Variants in GRID1 observed in about 807,000 individuals in gnomAD.
GRID1 encodes glutamate receptor ionotropic, delta-1.
GRID1 carries 28 observed loss-of-function variants against 98.0 expected under a neutral mutation model. That is an observed-to-expected ratio of 0.29 (90% confidence interval 0.21 to 0.39). The LOEUF is 0.39. Ranked by LOEUF, GRID1 falls within the 10% of genes least tolerant of loss-of-function variation. The pLI is 1.00. For missense variants in GRID1, 1,111 were observed against 1,340.5 expected (o/e 0.83, Z 2.67); for synonymous variants, 553 against 538.5 (o/e 1.03, Z -0.37).
At chr10:85,702,630 G>C (rs140191716) in intron 12 of GRID1, among the ~76,000 whole-genome samples, 89 of 152,158 alleles carry the variant, frequency 5.8e-4, no homozygotes, top group African/African-American at 2.1e-3. Flanking sequence ...AAGTTTTTAA[G>C]TTGAAAGACA....
At chr10:85,715,959 T>G (rs1841634563) in intron 12 of GRID1, among the ~76,000 whole-genome samples, 1 of 151,720 alleles carries the variant, frequency 6.6e-6, no homozygotes, top group African/African-American at 2.4e-5. Flanking sequence ...CAGGCTGGAG[T>G]GCAGTGGCAT....
intron 4 of GRID1, among the ~76,000 whole-genome samples, chr10:85,964,557 A>C (rs1262901303): frequency 6.6e-6 from 1 of 152,232 alleles, no homozygotes; most frequent in Non-Finnish European, 1.5e-5. Flanking sequence ...TCACTATTTA[A>C]TAAATGGTGT....
At chr10:86,047,476 A>T (rs1413229831) in intron 4 of GRID1, among the ~76,000 whole-genome samples, 1 of 152,264 alleles carries the variant, frequency 6.6e-6, no homozygotes, top group African/African-American at 2.4e-5. Flanking sequence ...CTTGTTGCTA[A>T]TAGGGTGGTG....
intron 2 of GRID1, among the ~76,000 whole-genome samples, chr10:86,226,045 T>A (rs1564711668): frequency 2.0e-5 from 3 of 151,996 alleles, no homozygotes; most frequent in African/African-American, 7.3e-5. Flanking sequence ...GACAAGACCC[T>A]GCAGGTGGAC....
At chr10:86,234,867 T>C (rs1846512126) in intron 2 of GRID1, among the ~76,000 whole-genome samples, 1 of 152,186 alleles carries the variant, frequency 6.6e-6, no homozygotes, top group African/African-American at 2.4e-5. Context: ...TGAGCCGAGA[T>C]GCAGTTCATG....
intron 2 of GRID1, among the ~76,000 whole-genome samples, chr10:86,334,036 G>A (rs912407389): frequency 1.3e-5 from 2 of 151,418 alleles, no homozygotes; most frequent in African/African-American, 4.9e-5. Flanking sequence ...CAAGCTGTGC[G>A]CTGCCTGGCC....
intron 12 of GRID1, among the ~76,000 whole-genome samples, chr10:85,714,673 A>G (rs1449100621): frequency 6.6e-6 from 1 of 152,124 alleles, no homozygotes; most frequent in Non-Finnish European, 1.5e-5. Flanking sequence ...TGGTGTATAA[A>G]TTACACCAAG....
At chr10:85,933,672 C>A (rs1026464087) in intron 4 of GRID1, among the ~76,000 whole-genome samples, 3 of 152,148 alleles carry the variant, frequency 2.0e-5, no homozygotes, top group African/African-American at 7.2e-5. Flanking sequence ...GCCCACAAGT[C>A]CATTTTGGGC....
At chr10:86,121,372 A>C in intron 4 of GRID1, among the ~76,000 whole-genome samples, 1 of 151,240 alleles carries the variant, frequency 6.6e-6, no homozygotes. Context: ...CACCAACACC[A>C]CCATCTCACC....
intron 4 of GRID1, among the ~76,000 whole-genome samples, chr10:86,088,815 G>A (rs190242237): frequency 9.7e-4 from 148 of 152,172 alleles, no homozygotes; most frequent in Non-Finnish European, 1.8e-3. Context: ...ATGATGTTGA[G>A]GTCTGGAGTT....
At chr10:86,244,413 C>G (rs1813806888) in intron 2 of GRID1, among the ~76,000 whole-genome samples, 1 of 152,254 alleles carries the variant, frequency 6.6e-6, no homozygotes, top group Non-Finnish European at 1.5e-5. Context: ...GTAAGAGACA[C>G]GTGGATCTGA....
intron 2 of GRID1, among the ~76,000 whole-genome samples, chr10:86,249,030 G>C (rs11812664): frequency 0.056 from 8,574 of 151,856 alleles, 678 homozygotes; most frequent in African/African-American, 0.17. Context: ...CCTCACTGGA[G>C]GAGCCAAGAC....
intron 12 of GRID1, among the ~76,000 whole-genome samples, chr10:85,675,979 G>A (rs1308293675): frequency 6.6e-6 from 1 of 152,164 alleles, no homozygotes; most frequent in African/African-American, 2.4e-5. Flanking sequence ...CAAGGCCTTT[G>A]GCAAATTCTG....
chr10:85,627,819 A>G (rs2132531172), intron 13 of GRID1, among the ~76,000 whole-genome samples: 1 of 152,324 alleles, frequency 6.6e-6, no homozygotes, highest in South Asian at 2.1e-4. Context: ...ATGAGGGCTC[A>G]ACGCGAGTTC....
chr10:86,345,669 C>T (rs1705954231), intron 2 of GRID1, among the ~76,000 whole-genome samples: 1 of 152,174 alleles, frequency 6.6e-6, no homozygotes, highest in Non-Finnish European at 1.5e-5. Context: ...ACAGGCCTCT[C>T]TCCTCACAGC....
chr10:86,098,130 C>T (rs895686176), intron 4 of GRID1, among the ~76,000 whole-genome samples: 1 of 152,174 alleles, frequency 6.6e-6, no homozygotes, highest in Non-Finnish European at 1.5e-5. Flanking sequence ...TTTATATCCT[C>T]AAGTCAATGT....
At chr10:85,871,856 T>C (rs1183885785) in intron 5 of GRID1, among the ~76,000 whole-genome samples, 1 of 152,168 alleles carries the variant, frequency 6.6e-6, no homozygotes, top group Non-Finnish European at 1.5e-5. Flanking sequence ...ATATACTGAA[T>C]TACAGGGATT....
chr10:85,640,249 A>G (rs887719498), intron 13 of GRID1, among the ~76,000 whole-genome samples: 1 of 152,236 alleles, frequency 6.6e-6, no homozygotes, highest in African/African-American at 2.4e-5. Context: ...TACAAAAGAT[A>G]TAGAGATGAA....
chr10:85,849,159 C>G (rs1843034622), intron 8 of GRID1, among the ~76,000 whole-genome samples: 1 of 152,186 alleles, frequency 6.6e-6, no homozygotes, highest in Non-Finnish European at 1.5e-5. Flanking sequence ...CCTCTTACAA[C>G]TTCTGAACCC....
Sources: allele counts gnomAD v4.1 joint callset (sites outside exome capture counted in the v4.1 genomes callset), GRCh38; gene constraint gnomAD v4.1.1; transcripts MANE v1.5; gene names NCBI Gene and HGNC (gene_info 2026-07-23, HGNC 2026-07-21).